The following THADA variants were observed in gnomAD, a reference collection of about 807,000 sequenced individuals.
The protein encoded by THADA is THADA armadillo repeat containing.
In THADA, 213 loss-of-function variants were observed where a neutral mutation model predicts 219.8. The observed-to-expected ratio is 0.97, with a 90% CI of 0.87 to 1.09. The LOEUF is 1.09. Ranked by LOEUF, THADA falls within the 50% of genes least tolerant of loss-of-function variation. THADA has a pLI of 0.00. For synonymous variants in THADA, 1,018 were observed against 828.9 expected (o/e 1.23, Z -3.92); for missense variants, 2,956 against 2,311.3 (o/e 1.28, Z -5.72).
At chr2:43,538,051 G>A (rs1369619587) in intron 21 of THADA, among the ~76,000 whole-genome samples, 1 of 152,016 alleles carries the variant, frequency 6.6e-6, no homozygotes, top group Non-Finnish European at 1.5e-5. Context: ...CAGAGGGAAA[G>A]CATGAATGAA....
At chr2:43,305,562 G>A (rs1259840873) in intron 31 of THADA, among the ~76,000 whole-genome samples, 1 of 152,154 alleles carries the variant, frequency 6.6e-6, no homozygotes, top group East Asian at 1.9e-4. Context: ...TTTTTCAAGT[G>A]TAGGATTCCC....
chr2:43,523,388 T>TA (rs1205130953), intron 22 of THADA, among the ~76,000 whole-genome samples: 5 of 152,134 alleles, frequency 3.3e-5, no homozygotes, highest in Non-Finnish European at 1.5e-5. Flanking sequence ...AAATTAAAAA[T>TA]AAAGTTTACA....
intron 7 of THADA, among the ~76,000 whole-genome samples, chr2:43,583,081 T>C (rs945834083): frequency 4.6e-5 from 7 of 152,216 alleles, no homozygotes; most frequent in Non-Finnish European, 8.8e-5. Flanking sequence ...ATAATCTACA[T>C]GCTGATAATT....
intron 26 of THADA, among the ~76,000 whole-genome samples, chr2:43,433,988 C>T (rs1190558301): frequency 2.0e-5 from 3 of 152,056 alleles, no homozygotes; most frequent in Non-Finnish European, 4.4e-5. Flanking sequence ...TGCGCTCAGC[C>T]CTGAGAAGTA....
At chr2:43,475,398 G>A (rs1026631700) in intron 26 of THADA, among the ~76,000 whole-genome samples, 2 of 147,068 alleles carry the variant, frequency 1.4e-5, no homozygotes, top group Non-Finnish European at 3.0e-5. Context: ...ACTCCAGCCT[G>A]GGCGACAGAG....
chr2:43,256,754 T>G (rs547235413), intron 36 of THADA, among the ~76,000 whole-genome samples: 1 of 152,096 alleles, frequency 6.6e-6, no homozygotes, highest in African/African-American at 2.4e-5. Flanking sequence ...AATTTTCTTA[T>G]TTTTTGTACA....
At chr2:43,594,261 G>C (rs1211165897) in intron 1 of THADA, among the ~76,000 whole-genome samples, 1 of 152,034 alleles carries the variant, frequency 6.6e-6, no homozygotes, top group Non-Finnish European at 1.5e-5. Flanking sequence ...ACTTTCCAAG[G>C]GTTTCTAAAT....
chr2:43,296,140 G>A (rs1220543100), intron 31 of THADA, among the ~76,000 whole-genome samples: 2 of 151,632 alleles, frequency 1.3e-5, no homozygotes, highest in Non-Finnish European at 2.9e-5. Flanking sequence ...GGCTGGTTTC[G>A]AACTCCTGAC....
chr2:43,318,080 C>T (rs1227340204), intron 31 of THADA, among the ~76,000 whole-genome samples: 4 of 152,016 alleles, frequency 2.6e-5, no homozygotes, highest in African/African-American at 9.7e-5. Context: ...CGCTCTGTCG[C>T]CCAGGCTGGA....
At chr2:43,348,040 AG>A (rs1667836393) in intron 29 of THADA, among the ~76,000 whole-genome samples, 1 of 152,242 alleles carries the variant, frequency 6.6e-6, no homozygotes, top group South Asian at 2.1e-4. Flanking sequence ...AGACAAGAGG[AG>A]GGGAGGGTTG....
At chr2:43,502,320 C>T (rs994127570) in intron 24 of THADA, among the ~76,000 whole-genome samples, 1 of 152,082 alleles carries the variant, frequency 6.6e-6, no homozygotes, top group African/African-American at 2.4e-5. Context: ...TGTGGTGGCT[C>T]ACGCCGGTAA....
At chr2:43,348,045 A>G (rs1469675316) in intron 29 of THADA, among the ~76,000 whole-genome samples, 1 of 152,160 alleles carries the variant, frequency 6.6e-6, no homozygotes, top group Non-Finnish European at 1.5e-5. Context: ...AGAGGAGGGG[A>G]GGGTTGAAAC....
rs1558887452 is a variant in THADA at position 43,514,605 on chromosome 2, T to TAATA, written c.3375-5826_3375-5825insTATT. The stretch of plus-strand genomic sequence containing the variant: ...ATATTTTATATATGTATATTTTATA[T>TAATA]ATATTTTATATATTTTATATATATG... On this transcript the variant is annotated intron_variant, in intron 22 of 37. Transcript: ENST00000405975. Among the ~76,000 whole-genome samples, 455 of 95,032 alleles carry TAATA rather than the reference T, an allele frequency of 4.8e-3. 71 individuals are homozygous for TAATA. The highest frequency in any genetic ancestry group is 9.2e-3 in the African/African-American group (194 of 21,076). 62.3% of individuals were successfully genotyped at this position (95,032 alleles called of 152,430 possible).
Position 43,551,687 on chromosome 2 carries a change from G to A in THADA, c.2947+102C>T, listed in dbSNP as rs186392687. 164 of 1,109,366 alleles carry A rather than the reference G, an allele frequency of 1.5e-4. No individual in the cohort carries two copies. In the Middle Eastern group the frequency reaches 1.6e-3, roughly 11 times the overall value. 68.7% of individuals were successfully genotyped at this position (1,109,366 alleles called of 1,614,324 possible). A position where few individuals can be genotyped will look rare whatever the true frequency, so the allele number is the denominator to read the frequency against. On this transcript the variant is annotated intron_variant, in intron 19 of 37. Coordinates refer to ENST00000405975, the MANE Select transcript of THADA (RefSeq NM_022065.5). Reference sequence around the variant, plus strand: ...TAATAATTATTTTCTCCTCAACTTAGCTTTTATATCTCCCCAAAGAAATAC... The same window carrying A: ...TAATAATTATTTTCTCCTCAACTTAACTTTTATATCTCCCCAAAGAAATAC...
At chr2:43,542,843 G>C (rs1421903330) in intron 20 of THADA, among the ~76,000 whole-genome samples, 1 of 152,120 alleles carries the variant, frequency 6.6e-6, no homozygotes, top group Non-Finnish European at 1.5e-5. Context: ...TAATAGGCTG[G>C]TGAAAGTCTT....
intron 29 of THADA, among the ~76,000 whole-genome samples, chr2:43,392,559 T>G (rs1294554614): frequency 6.6e-6 from 1 of 152,134 alleles, no homozygotes; most frequent in Non-Finnish European, 1.5e-5. Flanking sequence ...CTGGTTTTCT[T>G]CCCGTAAAGG....
chr2:43,292,095 G>C lies in THADA; in HGVS notation c.4937+9C>G, dbSNP rs757956921. 6.3e-7 allele frequency: 1 copy of C among 1,578,082 alleles called. No homozygotes were observed. The highest frequency in any genetic ancestry group is 8.6e-7 in the Non-Finnish European group (1 of 1,158,500). The stretch of plus-strand genomic sequence containing the variant: ...TACCAAGGTTGCACAGGAGGTTTTG[G>C]GGGCAAACCTTTCATTGGAAGCAAT... On this transcript the variant is annotated intron_variant, in intron 33 of 37. Coordinates refer to ENST00000405975, the MANE Select transcript of THADA (RefSeq NM_022065.5).
chr2:43,231,542 T>TTTC (rs1302949301), intron 37 of THADA, among the ~76,000 whole-genome samples, 199 bp from the exon 38 acceptor site: 22 of 152,194 alleles, frequency 1.4e-4, no homozygotes, highest in Non-Finnish European at 2.2e-4. Flanking sequence ...ACTCACTGTA[T>TTTC]TTCTCCACCA....
chr2:43,591,878 T>C (rs1701617699), intron 3 of THADA, 74 bp downstream of exon 3: 1 of 1,020,220 alleles, frequency 9.8e-7, no homozygotes, highest in Non-Finnish European at 1.3e-6. Flanking sequence ...CCAAAAACTG[T>C]CAGTGATTTT....
Sources: allele counts gnomAD v4.1 joint callset (sites outside exome capture counted in the v4.1 genomes callset), GRCh38; gene constraint gnomAD v4.1.1; transcripts MANE v1.5; gene names NCBI Gene and HGNC (gene_info 2026-07-23, HGNC 2026-07-21).